The following PPP2R2B variants were observed in gnomAD, a reference collection of about 807,000 sequenced individuals.
PPP2R2B encodes the protein protein phosphatase 2 regulatory subunit Bbeta, also known as serine/threonine-protein phosphatase 2A 55 kDa regulatory subunit B beta isoform.
Under a neutral mutation model 46.0 loss-of-function variants are expected in PPP2R2B, and 5 were observed. The observed-to-expected ratio is 0.11, with a 90% CI of 0.06 to 0.23. The LOEUF is 0.23. Among genes scored for constraint, PPP2R2B ranks in the 10% least tolerant of loss-of-function variants. PPP2R2B has a pLI of 1.00. For synonymous variants in PPP2R2B, 215 were observed against 206.7 expected, an observed-to-expected ratio of 1.04 and a Z score of -0.34; for missense variants, 367 against 575.0, an observed-to-expected ratio of 0.64 and a Z score of 3.70.
Position 146,698,918 on chromosome 5 carries a change from G to A in PPP2R2B, c.169-774C>T, listed in dbSNP as rs181244381. Among the ~76,000 whole-genome samples the A allele has an allele frequency of 1.5e-4, 23 of 151,834 alleles. 1 individual carries two copies. The East Asian group carries it at 4.5e-3, about 29-fold the overall frequency. ...TACATGATGAGAGAATTAAACACAA[G>A]GGCAAGGGTCTGCAGAAACAGGAAG... On this transcript the variant is annotated intron_variant, in intron 3 of 9. Coordinates refer to ENST00000394411, the MANE Select transcript of PPP2R2B (RefSeq NM_181675.4).
chr5:146,704,062 A>T (rs2151171130), intron 2 of PPP2R2B, among the ~76,000 whole-genome samples: 1 of 152,316 alleles, frequency 6.6e-6, no homozygotes, highest in East Asian at 1.9e-4. Context: ...TTGAACTTTC[A>T]TGTTTCCTGA....
At chr5:147,011,585 A>AT (rs1488875384) in intron 1 of PPP2R2B, among the ~76,000 whole-genome samples, 2 of 151,588 alleles carry the variant, frequency 1.3e-5, no homozygotes, top group African/African-American at 4.9e-5. Flanking sequence ...CTCCTGCCTG[A>AT]TTGCCCTGGC....
chr5:146,940,117 A>G (rs1024929443), intron 1 of PPP2R2B, among the ~76,000 whole-genome samples: 1 of 152,184 alleles, frequency 6.6e-6, no homozygotes, highest in African/African-American at 2.4e-5. Context: ...CATTTGGTGA[A>G]CAAAAGTATT....
chr5:146,897,538 C>T (rs1762685629), intron 1 of PPP2R2B, among the ~76,000 whole-genome samples: 1 of 152,168 alleles, frequency 6.6e-6, no homozygotes, highest in South Asian at 2.1e-4. Context: ...AAGTCCTATT[C>T]ATATTCATTT....
intron 1 of PPP2R2B, among the ~76,000 whole-genome samples, chr5:146,988,976 A>G (rs924366042): frequency 2.6e-5 from 4 of 152,040 alleles, no homozygotes; most frequent in African/African-American, 7.2e-5. Context: ...ATGAACAACT[A>G]CACGTAAATA....
chr5:146,662,957 T>C (rs183686239), intron 5 of PPP2R2B, among the ~76,000 whole-genome samples: 181 of 152,236 alleles, frequency 1.2e-3, no homozygotes, highest in African/African-American at 4.1e-3. Flanking sequence ...AGTAAAGAGA[T>C]GTAAATTAAG....
At chr5:146,994,279 A>G (rs763658449) in intron 1 of PPP2R2B, among the ~76,000 whole-genome samples, 4 of 152,158 alleles carry the variant, frequency 2.6e-5, no homozygotes, top group African/African-American at 4.8e-5. Flanking sequence ...CAGAGAGGTA[A>G]TAACTTGCGT....
In PPP2R2B at chr5:146,877,672, C is replaced by T. The variant is rs1237083482; in HGVS notation, c.70+330G>A. Among the ~76,000 whole-genome samples the T allele has an allele frequency of 3.9e-5, 6 of 152,064 alleles. No individual in the cohort carries two copies. The East Asian group carries it at 9.7e-4, about 25-fold the overall frequency. ...GGGCCCCTCCCTTCTTATCTCCCCC[C>T]AAGACCCCTGCGAACATCTCGGGGA... is the stretch of plus-strand genomic sequence containing the variant. On this transcript the variant is annotated intron_variant, in intron 2 of 9. Transcript: ENST00000394411.
At position 146,878,362 on chromosome 5, in the gene PPP2R2B, G is replaced by C. The variant is rs1762026045; in HGVS notation, c.-124-167C>G. ...TGCTGCGCCTGCCTCCGCTGCCTCC[G>C]GGTGCCAAGATACGCCGTGCCCCGA... On this transcript the variant is annotated intron_variant, in intron 1 of 9. Transcript: ENST00000394411. This position sits in a 1 kb window ranked among gnomAD's most constrained non-coding sequence, Gnocchi z 4.5. 1 of 1,435,948 alleles carries C rather than the reference G, an allele frequency of 7.0e-7. No individual in the cohort carries two copies. 89.0% of individuals were successfully genotyped at this position (1,435,948 alleles called of 1,614,324 possible). A position where few individuals can be genotyped will look rare whatever the true frequency, so the allele number is the denominator to read the frequency against.
intron 2 of PPP2R2B, 184 bp from the exon 3 acceptor site, chr5:146,701,326 A>G: frequency 1.3e-6 from 1 of 741,722 alleles, no homozygotes; most frequent in East Asian, 2.5e-5. Context: ...TAAATTTCCT[A>G]GATGCCCACA....
At chr5:146,893,686 G>T (rs1428949157) in intron 1 of PPP2R2B, among the ~76,000 whole-genome samples, 1 of 152,030 alleles carries the variant, frequency 6.6e-6, no homozygotes, top group Non-Finnish European at 1.5e-5. Flanking sequence ...GACACAGGGA[G>T]GGCAACATCA....
intron 2 of PPP2R2B, among the ~76,000 whole-genome samples, chr5:146,849,886 C>A (rs185058623): frequency 3.9e-4 from 59 of 152,242 alleles, no homozygotes; most frequent in African/African-American, 1.3e-3. Flanking sequence ...CAAACAGGCA[C>A]AAAGCCATGG....
intron 5 of PPP2R2B, among the ~76,000 whole-genome samples, chr5:146,690,919 G>A (rs1463389398): frequency 2.0e-5 from 3 of 152,214 alleles, no homozygotes; most frequent in Admixed American, 6.5e-5. Context: ...TGGGACAAAA[G>A]GAAAAGCATG....
chr5:147,013,114 G>T (rs1183260310), intron 1 of PPP2R2B, among the ~76,000 whole-genome samples: 6 of 148,742 alleles, frequency 4.0e-5, no homozygotes, highest in East Asian at 1.9e-4. Context: ...AGCCAAATCA[G>T]GAGTGAACTC....
chr5:146,597,515 C>T (rs977574702), intron 8 of PPP2R2B, among the ~76,000 whole-genome samples: 1 of 152,182 alleles, frequency 6.6e-6, no homozygotes, highest in Non-Finnish European at 1.5e-5. Context: ...GCCTTTCTTG[C>T]TCTCTCTTTC....
chr5:146,928,147 T>A (rs1032016444), intron 1 of PPP2R2B, among the ~76,000 whole-genome samples: 1 of 152,226 alleles, frequency 6.6e-6, no homozygotes, highest in Non-Finnish European at 1.5e-5. Flanking sequence ...TGTCTTTTTT[T>A]ACTTGTGCCT....
chr5:146,712,206 T>C (rs1339402000), intron 2 of PPP2R2B, among the ~76,000 whole-genome samples: 2 of 152,210 alleles, frequency 1.3e-5, no homozygotes, highest in Non-Finnish European at 2.9e-5. Flanking sequence ...GAAACAAGCG[T>C]GCCAGTTATA....
intron 2 of PPP2R2B, among the ~76,000 whole-genome samples, chr5:146,757,114 T>C (rs998565793): frequency 6.6e-6 from 1 of 151,574 alleles, no homozygotes; most frequent in African/African-American, 2.4e-5. Context: ...AGTGAGGGCT[T>C]GAAGGAGGAG....
At chr5:146,898,856 CA>C (rs2151433462) in intron 1 of PPP2R2B, among the ~76,000 whole-genome samples, 1 of 139,036 alleles carries the variant, frequency 7.2e-6, no homozygotes, top group African/African-American at 2.9e-5. Flanking sequence ...TTTATGCAGC[CA>C]AAAAACACAT....
Sources: gnomAD v4.1 joint callset for allele counts (sites outside exome capture counted in the v4.1 genomes callset) on GRCh38, gnomAD v4.1.1 for gene constraint, Gnocchi (gnomAD v3.1) non-coding constraint, MANE v1.5 for transcripts, NCBI Gene and HGNC (gene_info 2026-07-23, HGNC 2026-07-21) for gene names.